The following PKHD1L1 variants were observed in gnomAD, a reference collection of about 807,000 sequenced individuals.
The protein encoded by PKHD1L1 is fibrocystin-L.
PKHD1L1 carries 434 observed loss-of-function variants against 462.9 expected under a neutral mutation model. That is an observed-to-expected ratio of 0.94 (90% confidence interval 0.87 to 1.02). The LOEUF is 1.02. PKHD1L1 is among the 50% of genes least tolerant of loss of function. The pLI, the probability that PKHD1L1 is intolerant of heterozygous loss-of-function variation, is 0.00. For missense variants in PKHD1L1, 5,202 were observed against 5,096.1 expected (o/e 1.02, Z -0.63); for synonymous variants, 1,781 against 1,750.0 (o/e 1.02, Z -0.44).
intron 46 of PKHD1L1, among the ~76,000 whole-genome samples, chr8:109,458,318 C>T (rs1418426979): frequency 1.3e-5 from 2 of 152,132 alleles, no homozygotes; most frequent in Non-Finnish European, 2.9e-5. Flanking sequence ...GATTCTCAGC[C>T]TCTCACACCT....
chr8:109,452,875 G>A lies in PKHD1L1; in HGVS notation c.6664+1G>A. 1.4e-6 allele frequency: 2 copies of A among 1,410,824 alleles called. No individual in the cohort carries two copies. The highest frequency in any genetic ancestry group is 1.9e-6 in the Non-Finnish European group (2 of 1,074,346). The allele number at this position is 1,410,824 out of a possible 1,614,324, so 87.4% of individuals were successfully genotyped here. ...ATTTTGAAAATGTTGCTTATTCAGG[G>A]TAAATTTCTGAATATCTGTTCATTG... On this transcript the variant is annotated splice_donor_variant, in intron 43 of 77. Coordinates refer to ENST00000378402, the MANE Select transcript of PKHD1L1 (RefSeq NM_177531.6). LOFTEE classifies it high-confidence loss of function.
At chr8:109,526,161 T>G (rs1820803655) in intron 76 of PKHD1L1, among the ~76,000 whole-genome samples, 1 of 152,196 alleles carries the variant, frequency 6.6e-6, no homozygotes, top group Non-Finnish European at 1.5e-5. Context: ...TTTTACATTC[T>G]AAACACAAGT....
chr8:109,471,212 T>C (rs1322989244), intron 50 of PKHD1L1: 1 of 785,186 alleles, frequency 1.3e-6, no homozygotes, highest in Non-Finnish European at 1.9e-6. Flanking sequence ...TTGAATCAGA[T>C]GGTGTCATTT....
chr8:109,379,657 C>A (rs1335627552), intron 2 of PKHD1L1, among the ~76,000 whole-genome samples: 1 of 152,152 alleles, frequency 6.6e-6, no homozygotes, highest in Non-Finnish European at 1.5e-5. Context: ...TCCCTGTTAT[C>A]CAGAAATTGA....
At chr8:109,428,657 ATCTAC>A (rs1258708156) in intron 25 of PKHD1L1, among the ~76,000 whole-genome samples, 1 of 152,148 alleles carries the variant, frequency 6.6e-6, no homozygotes, top group Non-Finnish European at 1.5e-5. Context: ...GTGTCTGTGC[ATCTAC>A]TCTCTTCCAT....
chr8:109,495,445 A>G (rs1024434784), intron 63 of PKHD1L1, among the ~76,000 whole-genome samples: 6 of 151,990 alleles, frequency 3.9e-5, no homozygotes, highest in African/African-American at 1.4e-4. Context: ...GAGATTTTGG[A>G]GTTATAGCAA....
At chr8:109,449,930 G>A (rs764886913) in intron 40 of PKHD1L1, among the ~76,000 whole-genome samples, 3 of 152,178 alleles carry the variant, frequency 2.0e-5, no homozygotes, top group Non-Finnish European at 4.4e-5. Context: ...TATAAAGTGA[G>A]ATGAATCACA....
At position 109,522,752 on chromosome 8, in the gene PKHD1L1, C is replaced by A. The variant is rs367904304; in HGVS notation, c.12192C>A (p.Ala4064=). The A allele has an allele frequency of 5.0e-6, 8 of 1,608,980 alleles. No individual in the cohort carries two copies. The African/African-American group carries it at 1.1e-4, about 22-fold the overall frequency. ...CCCTTGTGCATTCACAGGTGACTGC[C>A]CAGCCAGTTGAAAGGTCTGCATTTC... The part of the protein sequence containing the change: ...PSDSGWIKVT[A]QPVERSAFPV... Residue 4064 remains alanine, a synonymous_variant, in exon 75 of 78, where the codon GCC becomes GCA. Coordinates refer to ENST00000378402, the MANE Select transcript of PKHD1L1 (RefSeq NM_177531.6).
intron 50 of PKHD1L1, among the ~76,000 whole-genome samples, chr8:109,473,205 C>A (rs1047261271): frequency 6.6e-6 from 1 of 151,938 alleles, no homozygotes; most frequent in South Asian, 2.1e-4. Flanking sequence ...AAATGCAATC[C>A]CAAGCATCAG....
chr8:109,449,618 G>T, intron 40 of PKHD1L1, 131 bp downstream of exon 40: 1 of 683,412 alleles, frequency 1.5e-6, no homozygotes, highest in African/African-American at 1.9e-5. Flanking sequence ...CTGATTCTAA[G>T]CAATTTCTTC....
intron 67 of PKHD1L1, among the ~76,000 whole-genome samples, chr8:109,502,082 A>G (rs1466345904): frequency 6.6e-6 from 1 of 151,972 alleles, no homozygotes; most frequent in African/African-American, 2.4e-5. Context: ...ACCATACCAC[A>G]CCACACTCAT....
At chr8:109,496,879 A>C (rs1412835025) in intron 63 of PKHD1L1, 40 bp from the exon 64 acceptor site, 2 of 1,565,216 alleles carry the variant, frequency 1.3e-6, no homozygotes, top group South Asian at 2.3e-5. Context: ...TATGACATGA[A>C]ATGTAGTGTT....
At chr8:109,509,564 G>A (rs1195709659) in intron 70 of PKHD1L1, among the ~76,000 whole-genome samples, 1 of 150,244 alleles carries the variant, frequency 6.7e-6, no homozygotes, top group Non-Finnish European at 1.5e-5. Flanking sequence ...TATACTAGAT[G>A]GGAAAAAATT....
chr8:109,413,696 C>T (rs1287087271), intron 21 of PKHD1L1, among the ~76,000 whole-genome samples, 151 bp downstream of exon 21: 1 of 151,900 alleles, frequency 6.6e-6, no homozygotes, highest in Non-Finnish European at 1.5e-5. Context: ...TGGCAGTTTT[C>T]CTATCTTACA....
In PKHD1L1 at chr8:109,412,283, C is replaced by A. The variant is rs767695512; in HGVS notation, c.2104C>A (p.Gln702Lys). The A allele has an allele frequency of 2.5e-6, 4 of 1,613,500 alleles. No homozygotes were observed. Among genetic ancestry groups the A allele is most frequent in the Non-Finnish European group, 3.4e-6 (4 of 1,179,686 alleles). The change falls in exon 20 of 78, where the codon CAG becomes AAG. Residue 702 changes from glutamine (Q) to lysine (K), a missense_variant. Gln to Lys is a moderately conservative substitution (Grantham distance 53). This residue lies in a region of PKHD1L1 where 4,497 missense variants were observed against 4,336.8 expected (regional missense o/e 1.04). Coordinates refer to ENST00000378402, the MANE Select transcript of PKHD1L1 (RefSeq NM_177531.6). The stretch of plus-strand genomic sequence containing the variant: ...TCGGTAGGAACATATTAACAGAGGG[C>A]AGAAGACAGCTGAAACCGATGCTTA... ...DFNLEHINRG[Q>K]KTAETDAYCG...
At chr8:109,408,703 A>C (rs1813689137) in intron 18 of PKHD1L1, among the ~76,000 whole-genome samples, 1 of 152,172 alleles carries the variant, frequency 6.6e-6, no homozygotes, top group African/African-American at 2.4e-5. Context: ...AACTCAGCAA[A>C]TTTTAAGACT....
At chr8:109,430,656 C>G (rs926561060) in intron 27 of PKHD1L1, among the ~76,000 whole-genome samples, 1 of 151,460 alleles carries the variant, frequency 6.6e-6, no homozygotes, top group East Asian at 1.9e-4. Flanking sequence ...TAAGGGATGG[C>G]TTTTTTCAAT....
intron 2 of PKHD1L1, among the ~76,000 whole-genome samples, chr8:109,374,131 A>T (rs752562479): frequency 3.9e-5 from 6 of 152,026 alleles, no homozygotes; most frequent in Admixed American, 1.3e-4. Context: ...ATTGTGTGGG[A>T]GTCTAAGTCT....
intron 45 of PKHD1L1, among the ~76,000 whole-genome samples, chr8:109,455,487 T>C (rs1326817609): frequency 6.6e-6 from 1 of 152,210 alleles, no homozygotes; most frequent in African/African-American, 2.4e-5. Context: ...CATTTTACAC[T>C]AACCGTAGTA....
Sources: gnomAD v4.1 joint callset for allele counts (sites outside exome capture counted in the v4.1 genomes callset) on GRCh38, gnomAD v4.1.1 for gene constraint, gnomAD v4.1.1 regional missense constraint, MANE v1.5 for transcripts, NCBI Gene and HGNC (gene_info 2026-07-23, HGNC 2026-07-21) for gene names.